DZIP3: variants seen among roughly 807,000 people sequenced by gnomAD.
DZIP3 encodes the protein E3 ubiquitin-protein ligase DZIP3.
Under a neutral mutation model 162.0 loss-of-function variants are expected in DZIP3, and 118 were observed. The ratio of observed to expected loss-of-function variants is 0.73; its 90% CI spans 0.63 to 0.85. DZIP3 has a LOEUF of 0.85. DZIP3 is among the 40% of genes least tolerant of loss of function. DZIP3 has a pLI of 0.00. For missense variants in DZIP3, 1,331 were observed against 1,407.0 expected, an observed-to-expected ratio of 0.95 and a Z score of 0.86; for synonymous variants, 438 against 458.6, an observed-to-expected ratio of 0.96 and a Z score of 0.57.
Position 108,657,152 on chromosome 3 carries a change from T to C in DZIP3, c.2199+2842T>C, listed in dbSNP as rs564856345. On this transcript the variant is annotated intron_variant, in intron 19 of 32. Transcript: ENST00000361582. Reference sequence around the variant, plus strand: ...AATACAGAGAACGCCACAAAGATACTACTCGAGAAGAGCAACTCCAAGACA... The same window carrying C: ...AATACAGAGAACGCCACAAAGATACCACTCGAGAAGAGCAACTCCAAGACA... Among the ~76,000 whole-genome samples, 3 of 152,210 alleles carry C rather than the reference T, an allele frequency of 2.0e-5. No homozygotes were observed. In the South Asian group the frequency reaches 6.2e-4, roughly 32 times the overall value.
chr3:108,612,475 G>A (rs1470910), intron 4 of DZIP3, among the ~76,000 whole-genome samples: 45,435 of 151,976 alleles, frequency 0.3, 7,349 homozygotes, highest in East Asian at 0.45. Context: ...ACAGAAATCA[G>A]TGGCCTTCAG....
chr3:108,649,076 T>G, intron 17 of DZIP3, 114 bp downstream of exon 17: 4 of 563,856 alleles, frequency 7.1e-6, no homozygotes, highest in Non-Finnish European at 1.1e-5. Context: ...AATGATTCAA[T>G]AGCTTACTGA....
chr3:108,596,213 T>C (rs1939704919), intron 1 of DZIP3, among the ~76,000 whole-genome samples: 1 of 152,206 alleles, frequency 6.6e-6, no homozygotes, highest in Non-Finnish European at 1.5e-5. Flanking sequence ...GACTGCAGTT[T>C]GTCTGCTCCA....
intron 4 of DZIP3, among the ~76,000 whole-genome samples, chr3:108,611,961 C>T (rs1241312389): frequency 1.2e-5 from 1 of 84,030 alleles, no homozygotes; most frequent in African/African-American, 6.2e-5. Flanking sequence ...AACACTCTGT[C>T]TCAAAAAAAA....
At position 108,625,908 on chromosome 3, in the gene DZIP3, T is replaced by A. The variant is rs1032773542; in HGVS notation, c.520T>A (p.Cys174Ser). ...GATGATGATCCAAGAAAATGAAATT[T>A]GTGAAAACTTTATGTCTTTAGTTTA... ...MKMMIQENEI[C>S]ENFMSLVYFG... is the part of the protein sequence containing the mutation. Residue 174 changes from cysteine to serine, a missense_variant, in exon 7 of 33, where the codon TGT becomes AGT. By Grantham distance (112) the Cys-to-Ser change is moderately radical. This residue lies in a region of DZIP3 where 1,278 missense variants were observed against 1,317.1 expected (regional missense o/e 0.97). Coordinates refer to ENST00000361582, the MANE Select transcript of DZIP3 (RefSeq NM_014648.4). 1 of 1,613,682 alleles carries A rather than the reference T, an allele frequency of 6.2e-7. No individual in the cohort carries two copies. The highest frequency in any genetic ancestry group is 8.5e-7 in the Non-Finnish European group (1 of 1,179,866).
intron 18 of DZIP3, among the ~76,000 whole-genome samples, chr3:108,653,565 G>A (rs1437220604): frequency 7.3e-6 from 1 of 137,370 alleles, no homozygotes; most frequent in African/African-American, 2.6e-5. Context: ...TTTTTTAAAA[G>A]TGGTCTCTGT....
intron 10 of DZIP3, among the ~76,000 whole-genome samples, chr3:108,636,265 C>G (rs951214616): frequency 2.0e-5 from 3 of 151,832 alleles, no homozygotes; most frequent in African/African-American, 7.2e-5. Flanking sequence ...CATTTTTATT[C>G]TTTCCTTTTC....
At chr3:108,666,927 A>T (rs1943705745) in intron 21 of DZIP3, among the ~76,000 whole-genome samples, 2 of 152,258 alleles carry the variant, frequency 1.3e-5, no homozygotes, top group South Asian at 4.1e-4. Context: ...AAAAAGAGAA[A>T]AGTCTTCAGT....
At chr3:108,591,749 A>G (rs1193842395) in intron 1 of DZIP3, among the ~76,000 whole-genome samples, 2 of 152,184 alleles carry the variant, frequency 1.3e-5, no homozygotes, top group African/African-American at 4.8e-5. Context: ...TTTAATTTCC[A>G]GTTTTTTGGG....
intron 5 of DZIP3, among the ~76,000 whole-genome samples, chr3:108,622,579 A>C (rs1053390991): frequency 6.6e-6 from 1 of 152,062 alleles, no homozygotes; most frequent in Non-Finnish European, 1.5e-5. Context: ...TATAGGCTTC[A>C]CTGTATGGCC....
intron 1 of DZIP3, among the ~76,000 whole-genome samples, chr3:108,600,053 C>T (rs1328537217): frequency 6.6e-6 from 1 of 152,148 alleles, no homozygotes; most frequent in Non-Finnish European, 1.5e-5. Flanking sequence ...ACTCCTATCA[C>T]AAAATGTCCT....
At position 108,669,705 on chromosome 3, in the gene DZIP3, A is replaced by T; in HGVS notation, c.2448A>T (p.Lys816Asn). 1.9e-6 allele frequency: 3 copies of T among 1,611,416 alleles called. No individual in the cohort carries two copies. The highest frequency in any genetic ancestry group is 1.7e-6 in the Non-Finnish European group (2 of 1,178,420). The stretch of plus-strand genomic sequence containing the variant: ...GATTACAGCGTCAAATCCATGCTAA[A>T]GATAATGAAATCAAGAACCTTAAAG... ...VSKLQRQIHA[K>N]DNEIKNLKEQ... Residue 816 changes from lysine (K) to asparagine (N), a missense_variant, in exon 22 of 33, where the codon AAA becomes AAT. Lys to Asn is a moderately conservative substitution (Grantham distance 94). This residue lies in a region of DZIP3 where 1,278 missense variants were observed against 1,317.1 expected (regional missense o/e 0.97). Coordinates refer to ENST00000361582, the MANE Select transcript of DZIP3 (RefSeq NM_014648.4).
intron 12 of DZIP3, among the ~76,000 whole-genome samples, chr3:108,642,104 A>AT (rs1182410402): frequency 2.6e-5 from 4 of 151,968 alleles, no homozygotes; most frequent in Non-Finnish European, 4.4e-5. Flanking sequence ...CAGATTTGCT[A>AT]TTTTTTTGTT....
chr3:108,639,315 TAG>T (rs1173290140), intron 12 of DZIP3, among the ~76,000 whole-genome samples: 3 of 152,222 alleles, frequency 2.0e-5, no homozygotes, highest in Non-Finnish European at 2.9e-5. Context: ...AAATACAAAG[TAG>T]AGATTCTGGA....
chr3:108,641,286 G>A (rs1361985550), intron 12 of DZIP3, among the ~76,000 whole-genome samples: 1 of 151,942 alleles, frequency 6.6e-6, no homozygotes, highest in Non-Finnish European at 1.5e-5. Flanking sequence ...TATAAGTGTA[G>A]TTTAATTTTT....
At chr3:108,629,300 A>G (rs1237736714) in intron 8 of DZIP3, 124 bp downstream of exon 8, 4 of 632,086 alleles carry the variant, frequency 6.3e-6, no homozygotes, top group Non-Finnish European at 8.1e-6. Flanking sequence ...AACAACCTTT[A>G]TTGCATTACC....
intron 5 of DZIP3, among the ~76,000 whole-genome samples, chr3:108,617,676 T>C (rs935098787): frequency 6.6e-6 from 1 of 152,018 alleles, no homozygotes; most frequent in African/African-American, 2.4e-5. Context: ...GGGATTAGGG[T>C]TCTTACAGGG....
Position 108,648,907 on chromosome 3 carries a change from T to TC in DZIP3, c.1963-11_1963-10insC. ...AATTACATATTTAATAAATAATTTT[T>TC]TACCTACTAGGTTAAGAGTAAACAA... On this transcript the variant is annotated splice_polypyrimidine_tract_variant and intron_variant, in intron 16 of 32. Coordinates refer to ENST00000361582, the MANE Select transcript of DZIP3 (RefSeq NM_014648.4). The TC allele has an allele frequency of 8.6e-7, 1 of 1,161,482 alleles. No homozygotes were observed. Among genetic ancestry groups the TC allele is most frequent in the Non-Finnish European group, 1.1e-6 (1 of 879,024 alleles). 71.9% of individuals were successfully genotyped at this position (1,161,482 alleles called of 1,614,324 possible). A position where few individuals can be genotyped will look rare whatever the true frequency, so the allele number is the denominator to read the frequency against.
At chr3:108,665,619 A>G (rs1041367895) in intron 21 of DZIP3, among the ~76,000 whole-genome samples, 3 of 152,192 alleles carry the variant, frequency 2.0e-5, no homozygotes, top group South Asian at 2.1e-4. Context: ...TTCAGAAACT[A>G]AGTGAACCCC....
Sources: gnomAD v4.1 joint callset for allele counts (sites outside exome capture counted in the v4.1 genomes callset) on GRCh38, gnomAD v4.1.1 for gene constraint, gnomAD v4.1.1 regional missense constraint, MANE v1.5 for transcripts, NCBI Gene and HGNC (gene_info 2026-07-23, HGNC 2026-07-21) for gene names.